PCM1: variants seen among roughly 807,000 people sequenced by gnomAD.
PCM1 encodes the protein pericentriolar material 1 protein.
A neutral mutation model predicts 241.9 loss-of-function variants in PCM1; 157 were observed. The observed-to-expected ratio is 0.65, with a 90% CI of 0.57 to 0.74. The LOEUF is 0.74. PCM1 is among the 30% of genes least tolerant of loss of function. PCM1 has a pLI of 0.00. For missense variants in PCM1, 3,478 were observed against 2,360.1 expected (o/e 1.47, Z -9.81); for synonymous variants, 1,085 against 784.9 (o/e 1.38, Z -6.39).
chr8:17,998,628 C>G (rs977663816), intron 29 of PCM1, among the ~76,000 whole-genome samples: 2 of 152,170 alleles, frequency 1.3e-5, no homozygotes, highest in Non-Finnish European at 2.9e-5. Flanking sequence ...CAGCACAGCA[C>G]AGCACTGGGG....
At chr8:17,971,933 CG>C (rs1223269648) in intron 22 of PCM1, among the ~76,000 whole-genome samples, 1 of 151,848 alleles carries the variant, frequency 6.6e-6, no homozygotes, top group Non-Finnish European at 1.5e-5. Flanking sequence ...TTTTTAGAGA[CG>C]GGGTCTCACC....
chr8:17,952,857 G>A (rs186173641), intron 8 of PCM1, 113 bp from the exon 9 acceptor site: 110 of 691,056 alleles, frequency 1.6e-4, no homozygotes, highest in Non-Finnish European at 6.8e-5. Context: ...TACCAGCACA[G>A]CCTAGCAAAT....
At chr8:17,991,023 C>T (rs779107097) in intron 27 of PCM1, among the ~76,000 whole-genome samples, 3 of 151,280 alleles carry the variant, frequency 2.0e-5, no homozygotes, top group African/African-American at 4.9e-5. Context: ...TCGACTCCTA[C>T]GTATTTTCTT....
At chr8:18,025,493 A>G in intron 37 of PCM1, 40 bp downstream of exon 37, 1 of 1,517,484 alleles carries the variant, frequency 6.6e-7, no homozygotes, top group Non-Finnish European at 9.1e-7. Context: ...TTTACATAAC[A>G]AATACTGTTA....
At chr8:18,018,851 T>C (rs2093479421) in intron 36 of PCM1, among the ~76,000 whole-genome samples, 2 of 27,478 alleles carry the variant, frequency 7.3e-5, no homozygotes, top group Non-Finnish European at 2.2e-4. Context: ...TGTGTGTGTG[T>C]GTATATATAT....
chr8:17,996,816 T>G (rs1457328251), intron 29 of PCM1, among the ~76,000 whole-genome samples: 2 of 152,216 alleles, frequency 1.3e-5, no homozygotes, highest in African/African-American at 2.4e-5. Context: ...ATGTTAACTT[T>G]GTTTCCCTGC....
At chr8:17,957,854 T>G in intron 13 of PCM1, 79 bp downstream of exon 13, 1 of 944,238 alleles carries the variant, frequency 1.1e-6, no homozygotes, top group Non-Finnish European at 1.6e-6. Flanking sequence ...GATAATTACT[T>G]TGGTTTAATT....
chr8:17,930,358 C>T (rs1464393959), intron 2 of PCM1, among the ~76,000 whole-genome samples: 3 of 151,724 alleles, frequency 2.0e-5, no homozygotes. Context: ...CTGCCTTGGC[C>T]TCCCAAAATG....
intron 36 of PCM1, among the ~76,000 whole-genome samples, chr8:18,017,324 A>C (rs2093321217): frequency 6.6e-6 from 1 of 152,216 alleles, no homozygotes; most frequent in Admixed American, 6.5e-5. Context: ...TTATGGTTTT[A>C]TTCATTAATA....
At chr8:18,026,260 C>CTTT (rs35129825) in intron 38 of PCM1, among the ~76,000 whole-genome samples, 2 of 109,226 alleles carry the variant, frequency 1.8e-5, no homozygotes, top group Non-Finnish European at 3.5e-5. Context: ...CAAAAACCCA[C>CTTT]TTTTTTTTTT....
chr8:17,994,126 T>C (rs2085742827), intron 29 of PCM1, among the ~76,000 whole-genome samples: 1 of 152,202 alleles, frequency 6.6e-6, no homozygotes, highest in South Asian at 2.1e-4. Context: ...AAATAATAGA[T>C]CTTATTCATT....
chr8:17,954,445 AAAG>A (rs968075843), intron 9 of PCM1, among the ~76,000 whole-genome samples: 5 of 151,948 alleles, frequency 3.3e-5, no homozygotes, highest in South Asian at 4.2e-4. Flanking sequence ...AAAAAAAAGA[AAAG>A]AAAAAAACAA....
intron 1 of PCM1, among the ~76,000 whole-genome samples, chr8:17,923,659 G>A (rs77636848): frequency 0.011 from 1,732 of 152,206 alleles, 31 homozygotes; most frequent in African/African-American, 0.04. Flanking sequence ...GGGTGTAGAA[G>A]GGCGGATGAG....
intron 29 of PCM1, among the ~76,000 whole-genome samples, chr8:18,000,683 G>A (rs996134835): frequency 6.6e-6 from 1 of 152,082 alleles, no homozygotes; most frequent in Non-Finnish European, 1.5e-5. Flanking sequence ...ATGCAGTGGC[G>A]CGATCTCGGC....
At chr8:17,926,971 T>C (rs2057229305) in intron 2 of PCM1, 1 of 152,174 alleles carries the variant, frequency 6.6e-6, no homozygotes, top group African/African-American at 2.4e-5. Context: ...AAGTGTTTAG[T>C]TCATGCAAGC....
chr8:18,019,166 G>C (rs566745140), intron 36 of PCM1, among the ~76,000 whole-genome samples: 3 of 152,056 alleles, frequency 2.0e-5, no homozygotes, highest in African/African-American at 7.2e-5. Context: ...ACAGGGGTTC[G>C]CTGAAGCTCT....
intron 15 of PCM1, 38 bp downstream of exon 15, chr8:17,960,482 A>G (rs2071190004): frequency 1.3e-6 from 2 of 1,533,862 alleles, no homozygotes. Context: ...CTGAAAAAAG[A>G]TGTTTAAAAC....
intron 4 of PCM1, 90 bp downstream of exon 4, chr8:17,937,469 C>G (rs1224805446): frequency 8.3e-7 from 1 of 1,204,740 alleles, no homozygotes. Flanking sequence ...AAAAATTGAG[C>G]TGTTTATGTA....
chr8:17,932,291 G>C (rs1023725212), intron 2 of PCM1, among the ~76,000 whole-genome samples: 3 of 152,082 alleles, frequency 2.0e-5, no homozygotes, highest in African/African-American at 7.2e-5. Context: ...TTCTTAGATT[G>C]CATATAGAGA....
Sources: gnomAD v4.1 joint callset for allele counts (sites outside exome capture counted in the v4.1 genomes callset) on GRCh38, gnomAD v4.1.1 for gene constraint, MANE v1.5 for transcripts, NCBI Gene and HGNC (gene_info 2026-07-23, HGNC 2026-07-21) for gene names.